The following OXSR1 variants were observed in gnomAD, a reference collection of about 807,000 sequenced individuals.
The protein encoded by OXSR1 is oxidative stress responsive kinase 1.
In OXSR1, 24 loss-of-function variants were observed where a neutral mutation model predicts 79.8. That is an observed-to-expected ratio of 0.30 (90% CI 0.22 to 0.42). The LOEUF (loss-of-function observed/expected upper bound fraction) is 0.42. Ranked by LOEUF, OXSR1 falls within the 10% of genes least tolerant of loss-of-function variation. OXSR1 has a pLI of 1.00. For missense variants in OXSR1, 430 were observed against 618.4 expected (o/e 0.70, Z 3.23); for synonymous variants, 226 against 209.2 (o/e 1.08, Z -0.69).
At chr3:38,165,000 G>A (rs986840764), upstream of OXSR1, 2 of 152,204 alleles carry the variant, frequency 1.3e-5, no homozygotes, top group African/African-American at 2.4e-5. Flanking sequence ...ACACCCTGTA[G>A]AGCCTTTCGC....
At chr3:38,164,114 C>T (rs1701374926), upstream of OXSR1, among the ~76,000 whole-genome samples, 1 of 152,184 alleles carries the variant, frequency 6.6e-6, no homozygotes, top group Admixed American at 6.5e-5. Flanking sequence ...TGGTTGAGGG[C>T]CTGCAGGCCC....
rs569948977 is a variant in OXSR1, at chr3:38,169,516, G to C, written c.70+3570G>C. Among the ~76,000 whole-genome samples, 247 of 152,172 alleles carry C rather than the reference G, an allele frequency of 1.6e-3. 1 individual carries two copies. Among genetic ancestry groups the C allele is most frequent in the African/African-American group, 5.8e-3 (239 of 41,516 alleles). On this transcript the variant is annotated intron_variant, in intron 1 of 17. Coordinates refer to ENST00000311806, the MANE Select transcript of OXSR1 (RefSeq NM_005109.3). ...TGATGGGGTTTCACCATATTGGGCAGGCTGGTCTCAAACTCCTGACCTCAG... is the reference window on the plus strand; with the variant it reads ...TGATGGGGTTTCACCATATTGGGCACGCTGGTCTCAAACTCCTGACCTCAG...
rs779069270 is a variant in OXSR1 at position 38,253,103 on chromosome 3, C to G, written c.*212C>G. The G allele has an allele frequency of 1.8e-6, 1 of 563,046 alleles. No individual in the cohort carries two copies. Among genetic ancestry groups the G allele is most frequent in the East Asian group, 3.0e-5 (1 of 33,714 alleles). 34.9% of individuals were successfully genotyped at this position (563,046 alleles called of 1,614,324 possible). ...CTAGTGGCCAGCATCCCCAGAGTTCCGTTAGTAAACTTACTTCATATGTCC... is the reference window on the plus strand; with the variant it reads ...CTAGTGGCCAGCATCCCCAGAGTTCGGTTAGTAAACTTACTTCATATGTCC... On this transcript the variant is annotated 3_prime_UTR_variant, in exon 18 of 18. Transcript: ENST00000311806.
intron 2 of OXSR1, among the ~76,000 whole-genome samples, chr3:38,186,848 A>G (rs1183519341): frequency 6.6e-6 from 1 of 152,206 alleles, no homozygotes; most frequent in Non-Finnish European, 1.5e-5. Context: ...GCTGGGTAAT[A>G]TGGTAACTCT....
intron 10 of OXSR1, chr3:38,236,572 G>A (rs1702922370): frequency 4.3e-6 from 1 of 231,334 alleles, no homozygotes; most frequent in Non-Finnish European, 8.3e-6. Flanking sequence ...TTTAAAATCA[G>A]ATTTTACCTG....
At chr3:38,180,048 T>A (rs559987728) in intron 1 of OXSR1, among the ~76,000 whole-genome samples, 1 of 151,454 alleles carries the variant, frequency 6.6e-6, no homozygotes, top group South Asian at 2.1e-4. Context: ...CCCCCTGTGA[T>A]CTGCCCACCT....
chr3:38,239,347 C>T (rs1201841893), intron 11 of OXSR1, among the ~76,000 whole-genome samples: 2 of 152,090 alleles, frequency 1.3e-5, no homozygotes, highest in African/African-American at 4.8e-5. Flanking sequence ...TGCTTGCTGA[C>T]AATTTTGTAT....
chr3:38,174,899 G>A (rs1282871459), intron 1 of OXSR1, among the ~76,000 whole-genome samples: 1 of 152,182 alleles, frequency 6.6e-6, no homozygotes, highest in Non-Finnish European at 1.5e-5. Context: ...CAGGCTGCTT[G>A]AATACTTACT....
Position 38,165,777 on chromosome 3 carries a change from G to C in OXSR1, c.-100G>C, listed in dbSNP as rs1185747000. On this transcript the variant is annotated 5_prime_UTR_variant, in exon 1 of 18. Transcript: ENST00000311806. ...GTTCCGAGACGATTGGTGGGGGCGCGGCGGCGGCGGCGGCGGCTGTTGGGG... is the reference window on the plus strand; with the variant it reads ...GTTCCGAGACGATTGGTGGGGGCGCCGCGGCGGCGGCGGCGGCTGTTGGGG... The C allele has an allele frequency of 2.8e-6, 2 of 724,150 alleles. No homozygotes were observed. Among genetic ancestry groups the C allele is most frequent in the East Asian group, 7.6e-5 (2 of 26,454 alleles). 44.9% of individuals were successfully genotyped at this position (724,150 alleles called of 1,614,324 possible). A position where few individuals can be genotyped will look rare whatever the true frequency, so the allele number is the denominator to read the frequency against.
At chr3:38,250,660 GC>G (rs1575379262) in intron 15 of OXSR1, among the ~76,000 whole-genome samples, 1 of 152,150 alleles carries the variant, frequency 6.6e-6, no homozygotes, top group Admixed American at 6.6e-5. Context: ...TATTCTTCTT[GC>G]TGTCTCACTA....
chr3:38,186,058 A>C (rs1701880195), intron 2 of OXSR1, among the ~76,000 whole-genome samples: 1 of 150,344 alleles, frequency 6.7e-6, no homozygotes, highest in Non-Finnish European at 1.5e-5. Context: ...GGCCTGGGCC[A>C]CCAGGGCTGT....
intron 15 of OXSR1, among the ~76,000 whole-genome samples, chr3:38,250,937 G>A (rs1280980823): frequency 6.6e-6 from 1 of 151,978 alleles, no homozygotes; most frequent in Non-Finnish European, 1.5e-5. Context: ...TTAGTTTCTG[G>A]TTATACCCAT....
At chr3:38,213,064 A>G (rs1393890539) in intron 4 of OXSR1, among the ~76,000 whole-genome samples, 1 of 152,200 alleles carries the variant, frequency 6.6e-6, no homozygotes, top group African/African-American at 2.4e-5. Flanking sequence ...TAGTCACTCA[A>G]AGTGCAGGCT....
chr3:38,187,556 A>T (rs1352649844), intron 2 of OXSR1, among the ~76,000 whole-genome samples: 1 of 152,202 alleles, frequency 6.6e-6, no homozygotes, highest in African/African-American at 2.4e-5. Flanking sequence ...AAAACCAGAA[A>T]GTAATGGTAG....
chr3:38,164,997 G>A (rs1401152021), upstream of OXSR1: 1 of 152,268 alleles, frequency 6.6e-6, no homozygotes. Context: ...TCCACACCCT[G>A]TAGAGCCTTT....
intron 8 of OXSR1, 52 bp downstream of exon 8, chr3:38,224,756 G>A (rs777834805): frequency 7.8e-7 from 1 of 1,288,776 alleles, no homozygotes; most frequent in South Asian, 1.4e-5. Flanking sequence ...ATTGTGAGAA[G>A]TCTAAGAATC....
chr3:38,169,398 T>G (rs1440721582), intron 1 of OXSR1, among the ~76,000 whole-genome samples: 1 of 152,058 alleles, frequency 6.6e-6, no homozygotes. Context: ...CTCTGTCTCT[T>G]GAGTTCAAGC....
intron 4 of OXSR1, among the ~76,000 whole-genome samples, chr3:38,200,486 T>C (rs1702145490): frequency 6.6e-6 from 1 of 152,204 alleles, no homozygotes; most frequent in Non-Finnish European, 1.5e-5. Context: ...AGAGTTCTTT[T>C]ATGATTGTCT....
At chr3:38,182,194 C>T (rs1012465433) in intron 1 of OXSR1, among the ~76,000 whole-genome samples, 5 of 152,194 alleles carry the variant, frequency 3.3e-5, no homozygotes, top group Non-Finnish European at 5.9e-5. Context: ...CTAGAACTCC[C>T]GTTCTATCTC....
Sources: gnomAD v4.1 joint callset for allele counts (sites outside exome capture counted in the v4.1 genomes callset) on GRCh38, gnomAD v4.1.1 for gene constraint, MANE v1.5 for transcripts, NCBI Gene and HGNC (gene_info 2026-07-23, HGNC 2026-07-21) for gene names.